Variants in LRRC63 observed in about 807,000 individuals in gnomAD.
LRRC63 encodes leucine rich repeat containing 63, also known as leucine-rich repeat-containing protein 63.
A neutral mutation model predicts 49.5 loss-of-function variants in LRRC63; 40 were observed. That is an observed-to-expected ratio of 0.81 (90% CI 0.63 to 1.05). LRRC63 has a LOEUF of 1.05. Ranked by LOEUF, LRRC63 falls within the 50% of genes least tolerant of loss-of-function variation. The pLI, the probability that LRRC63 is intolerant of heterozygous loss-of-function variation, is 0.00. For missense variants in LRRC63, 636 were observed against 663.1 expected, an observed-to-expected ratio of 0.96 and a Z score of 0.45; for synonymous variants, 191 against 221.1, an observed-to-expected ratio of 0.86 and a Z score of 1.21.
chr13:46,251,495 C>T lies in LRRC63; in HGVS notation c.1226+1004C>T, dbSNP rs371788421. On this transcript the variant is annotated intron_variant, in intron 7 of 9. Coordinates refer to ENST00000595396, the Ensembl canonical transcript of LRRC63. The stretch of plus-strand genomic sequence containing the variant: ...ATAAACTGTATTTTCCCTGCCCTGA[C>T]ACTATCTGCCATTTCTCTAAGGAAA... 2.1e-4 allele frequency among the ~76,000 whole-genome samples: 32 copies of T among 151,962 alleles called. No homozygotes were observed. The East Asian group carries it at 5.6e-3, about 27-fold the overall frequency.
intron 7 of LRRC63, among the ~76,000 whole-genome samples, chr13:46,253,594 G>A (rs1240669509): frequency 1.3e-5 from 2 of 152,072 alleles, no homozygotes; most frequent in South Asian, 2.1e-4. Context: ...TATTCATGCA[G>A]TGGGAATAAC....
At chr13:46,237,119 G>T (rs565443132) in intron 5 of LRRC63, among the ~76,000 whole-genome samples, 20 of 152,202 alleles carry the variant, frequency 1.3e-4, no homozygotes, top group African/African-American at 3.9e-4. Flanking sequence ...TACAAAGAAG[G>T]CTGTAACGAA....
At chr13:46,226,085 G>T (rs1219727324) in intron 2 of LRRC63, among the ~76,000 whole-genome samples, 1 of 151,726 alleles carries the variant, frequency 6.6e-6, no homozygotes, top group Non-Finnish European at 1.5e-5. Flanking sequence ...CTGGGCTCAT[G>T]GTACCCTCCC....
At chr13:46,245,594 G>A (rs1307911984) in intron 5 of LRRC63, among the ~76,000 whole-genome samples, 1 of 151,958 alleles carries the variant, frequency 6.6e-6, no homozygotes, top group Non-Finnish European at 1.5e-5. Flanking sequence ...ATATTAAAAA[G>A]CACTAAGTGT....
chr13:46,251,213 C>T (rs1358280414), intron 7 of LRRC63, among the ~76,000 whole-genome samples: 1 of 151,634 alleles, frequency 6.6e-6, no homozygotes, highest in African/African-American at 2.4e-5. Flanking sequence ...GAAGTGCATC[C>T]AAATTCATTT....
exon 2 of LRRC63, chr13:46,213,085 T>G: frequency 6.5e-7 from 1 of 1,549,780 alleles, no homozygotes. Flanking sequence ...CAAAATTCAC[T>G]AAGCTGTCTT....
chr13:46,215,274 A>G (rs982867735), intron 2 of LRRC63, among the ~76,000 whole-genome samples: 7 of 152,028 alleles, frequency 4.6e-5, no homozygotes, highest in East Asian at 1.9e-4. Context: ...GCCAGCATCT[A>G]TTGTTTCCTG....
At chr13:46,251,722 C>T (rs941610851) in intron 7 of LRRC63, among the ~76,000 whole-genome samples, 6 of 151,726 alleles carry the variant, frequency 4.0e-5, no homozygotes, top group African/African-American at 1.5e-4. Context: ...TACATATATA[C>T]ACACACAGAA....
intron 2 of LRRC63, 72 bp downstream of exon 2, chr13:46,213,191 T>A: frequency 1.0e-6 from 1 of 985,308 alleles, no homozygotes; most frequent in Non-Finnish European, 1.5e-6. Flanking sequence ...CTTGCACAGC[T>A]CAGAATCACA....
chr13:46,273,326 G>A (rs1008792624), intron 9 of LRRC63, among the ~76,000 whole-genome samples: 6 of 152,112 alleles, frequency 3.9e-5, no homozygotes, highest in African/African-American at 4.8e-5. Context: ...GTAGTGGACC[G>A]GGCGCGGTGG....
At chr13:46,237,769 C>A (rs902946724) in intron 5 of LRRC63, among the ~76,000 whole-genome samples, 3 of 151,942 alleles carry the variant, frequency 2.0e-5, no homozygotes, top group African/African-American at 7.2e-5. Context: ...AATATTACAA[C>A]TGGCCTTACA....
chr13:46,234,132 C>T, intron 4 of LRRC63, 60 bp from the exon 5 acceptor site: 1 of 1,431,882 alleles, frequency 7.0e-7, no homozygotes, highest in Non-Finnish European at 9.5e-7. Context: ...TACCTCTTAA[C>T]TTTCATTCTA....
intron 2 of LRRC63, among the ~76,000 whole-genome samples, chr13:46,218,153 C>G (rs574974303): frequency 1.3e-5 from 2 of 152,146 alleles, no homozygotes; most frequent in Non-Finnish European, 2.9e-5. Context: ...TCCTGAATAT[C>G]CTTGTTAATT....
At chr13:46,221,398 A>T (rs929018687) in intron 2 of LRRC63, among the ~76,000 whole-genome samples, 1 of 152,236 alleles carries the variant, frequency 6.6e-6, no homozygotes, top group Non-Finnish European at 1.5e-5. Context: ...TCATCACACA[A>T]AAAGGTGAGG....
intron 7 of LRRC63, among the ~76,000 whole-genome samples, chr13:46,259,627 ATTG>A (rs2047582753): frequency 6.6e-6 from 1 of 152,196 alleles, no homozygotes; most frequent in Non-Finnish European, 1.5e-5. Flanking sequence ...ATTTTCCCAT[ATTG>A]TTATTTATTA....
chr13:46,275,634 T>A (rs2047824938), intron 9 of LRRC63, among the ~76,000 whole-genome samples: 1 of 146,558 alleles, frequency 6.8e-6, no homozygotes, highest in Non-Finnish European at 1.5e-5. Context: ...GAATATCTAT[T>A]CTTTGATCAT....
intron 9 of LRRC63, among the ~76,000 whole-genome samples, chr13:46,269,158 G>A (rs780481604): frequency 6.6e-6 from 1 of 151,036 alleles, no homozygotes; most frequent in Non-Finnish European, 1.5e-5. Flanking sequence ...TTAATAAGCT[G>A]ATTCTAAAAT....
exon 3 of LRRC63, chr13:46,227,781 C>G: frequency 6.5e-7 from 1 of 1,550,242 alleles, no homozygotes; most frequent in Non-Finnish European, 8.7e-7. Flanking sequence ...AGCTTCTACT[C>G]GAATTTTTGG....
At chr13:46,261,535 T>C (rs1216720) in intron 7 of LRRC63, among the ~76,000 whole-genome samples, 116,715 of 152,168 alleles carry the variant, frequency 0.77, 45,992 homozygotes, top group East Asian at 0.97. Flanking sequence ...GCCCTGCTAA[T>C]ACCTTCATTT....
Sources: gnomAD v4.1 joint callset for allele counts (sites outside exome capture counted in the v4.1 genomes callset) on GRCh38, gnomAD v4.1.1 for gene constraint, MANE v1.5 for transcripts, NCBI Gene and HGNC (gene_info 2026-07-23, HGNC 2026-07-21) for gene names.